The following THSD7B variants were observed in gnomAD, a reference collection of about 807,000 sequenced individuals.
THSD7B encodes thrombospondin type-1 domain-containing protein 7B.
THSD7B carries 138 observed loss-of-function variants against 213.6 expected under a neutral mutation model. The observed-to-expected ratio is 0.65, with a 90% CI of 0.56 to 0.74. The LOEUF is 0.74. THSD7B is among the 30% of genes least tolerant of loss of function. THSD7B has a pLI of 0.00. For synonymous variants in THSD7B, 742 were observed against 687.0 expected (o/e 1.08, Z -1.25); for missense variants, 1,931 against 1,991.5 (o/e 0.97, Z 0.58).
Position 137,656,848 on chromosome 2 carries a change from C to T in THSD7B, c.4158C>T (p.Cys1386=). The part of the protein sequence containing the change: ...WSEWSTCELT[C]IDGRSFETVG... Reference sequence around the variant, plus strand: ...AGTGGAGCACATGTGAATTAACCTGCATTGATGGAAGAAGCTTTGAGACTG... The same window carrying T: ...AGTGGAGCACATGTGAATTAACCTGTATTGATGGAAGAAGCTTTGAGACTG... The change falls in exon 23 of 28, where the codon TGC becomes TGT. Residue 1386 remains cysteine (C), a synonymous_variant. Transcript: ENST00000409968. 1 of 1,613,974 alleles carries T rather than the reference C, an allele frequency of 6.2e-7. No individual in the cohort carries two copies. Among genetic ancestry groups the T allele is most frequent in the Non-Finnish European group, 8.5e-7 (1 of 1,179,882 alleles).
chr2:137,670,915 C>T (rs575937773), intron 27 of THSD7B, among the ~76,000 whole-genome samples: 104 of 105,932 alleles, frequency 9.8e-4, no homozygotes, highest in African/African-American at 3.4e-3. Flanking sequence ...AGTGAGACTC[C>T]GCCTCAAAAA....
rs746653090 is a variant in THSD7B at position 137,667,824 on chromosome 2, A to G, written c.4702A>G (p.Ile1568Val). 6.2e-7 allele frequency: 1 copy of G among 1,604,494 alleles called. No homozygotes were observed. Among genetic ancestry groups the G allele is most frequent in the South Asian group, 1.1e-5 (1 of 89,244 alleles). Residue 1568 changes from isoleucine to valine, a missense_variant, in exon 27 of 28, where the codon ATC becomes GTC. Transcript: ENST00000409968. ...VYGVSGGAFL[I>V]MIFLIFTSYL... Reference sequence around the variant, plus strand: ...TGGCGTTTCAGGTGGCGCTTTTCTCATCATGATTTTCCTAATATTTACTTC... The same window carrying G: ...TGGCGTTTCAGGTGGCGCTTTTCTCGTCATGATTTTCCTAATATTTACTTC...
chr2:136,972,720 A>C (rs901723314), intron 2 of THSD7B, among the ~76,000 whole-genome samples: 6 of 152,220 alleles, frequency 3.9e-5, no homozygotes, highest in African/African-American at 1.2e-4. Flanking sequence ...GTTATTAGGA[A>C]GACAGTACTA....
chr2:136,909,616 A>T (rs1348824362), intron 2 of THSD7B, among the ~76,000 whole-genome samples: 6 of 152,220 alleles, frequency 3.9e-5, no homozygotes, highest in Admixed American at 3.9e-4. Context: ...GCTTATATTT[A>T]TCCAAGAAAC....
chr2:136,931,802 G>C (rs980745284), intron 2 of THSD7B, among the ~76,000 whole-genome samples: 1 of 152,070 alleles, frequency 6.6e-6, no homozygotes, highest in Non-Finnish European at 1.5e-5. Flanking sequence ...AGTAAACCAG[G>C]ACTAGCTTTT....
chr2:137,204,152 C>T (rs1680934705), intron 7 of THSD7B, among the ~76,000 whole-genome samples: 1 of 152,004 alleles, frequency 6.6e-6, no homozygotes, highest in Admixed American at 6.6e-5. Flanking sequence ...TGTTACATGG[C>T]ACCTGGAGTG....
At chr2:137,073,033 A>G (rs182810585) in intron 3 of THSD7B, among the ~76,000 whole-genome samples, 14,733 of 151,904 alleles carry the variant, frequency 0.097, 969 homozygotes, top group African/African-American at 0.19. Context: ...TTTTTGCATC[A>G]ATGTTCATCA....
intron 7 of THSD7B, among the ~76,000 whole-genome samples, chr2:137,221,322 A>G (rs1681366372): frequency 6.6e-6 from 1 of 152,104 alleles, no homozygotes; most frequent in Admixed American, 6.5e-5. Context: ...ACAAAAAGTT[A>G]GAACTGATGG....
At chr2:137,642,868 C>T (rs1260286658) in intron 21 of THSD7B, among the ~76,000 whole-genome samples, 2 of 152,120 alleles carry the variant, frequency 1.3e-5, no homozygotes, top group Non-Finnish European at 2.9e-5. Flanking sequence ...TAGGTCAGGT[C>T]ACAGATCCTT....
chr2:137,390,192 C>T (rs1685988160), intron 12 of THSD7B, among the ~76,000 whole-genome samples: 1 of 152,022 alleles, frequency 6.6e-6, no homozygotes, highest in African/African-American at 2.4e-5. Flanking sequence ...CGTGGGATGT[C>T]CTTCCATTTG....
intron 1 of THSD7B, among the ~76,000 whole-genome samples, chr2:136,798,926 A>G (rs965114997): frequency 6.6e-6 from 1 of 152,020 alleles, no homozygotes; most frequent in Non-Finnish European, 1.5e-5. Context: ...AACTTCCTCT[A>G]GGCCTTGCCC....
At chr2:136,915,684 A>G (rs1684337586) in intron 2 of THSD7B, among the ~76,000 whole-genome samples, 1 of 152,232 alleles carries the variant, frequency 6.6e-6, no homozygotes, top group South Asian at 2.1e-4. Context: ...ACAGAGAGGT[A>G]AAGTACCTGG....
rs781663900 is a variant in THSD7B at position 137,057,111 on chromosome 2, C to A, written c.831C>A (p.Val277=). The change falls in exon 3 of 28, where the codon GTC becomes GTA. Residue 277 remains valine, a synonymous_variant. Transcript: ENST00000409968. ...LDFNSDSNER[V]TFKHQSYKAH... ...TTAACTCTGATTCAAATGAGCGAGT[C>A]ACCTTTAAACATCAAAGTTACAAAG... 6.2e-7 allele frequency: 1 copy of A among 1,613,952 alleles called. No homozygotes were observed. The highest frequency in any genetic ancestry group is 1.1e-5 in the South Asian group (1 of 91,066).
chr2:137,142,830 TTTC>T (rs1224319296), intron 5 of THSD7B, among the ~76,000 whole-genome samples: 2 of 152,148 alleles, frequency 1.3e-5, no homozygotes, highest in African/African-American at 4.8e-5. Context: ...GGGCGATTGT[TTTC>T]TTATTTGTTT....
intron 2 of THSD7B, among the ~76,000 whole-genome samples, chr2:136,943,032 C>A (rs985131470): frequency 2.0e-5 from 3 of 152,102 alleles, no homozygotes; most frequent in Non-Finnish European, 4.4e-5. Flanking sequence ...CCCATCAATA[C>A]CTAGCTTATT....
At chr2:136,777,328 C>A (rs960653356) in intron 1 of THSD7B, among the ~76,000 whole-genome samples, 1 of 152,170 alleles carries the variant, frequency 6.6e-6, no homozygotes, top group African/African-American at 2.4e-5. Context: ...ACTCCTGACC[C>A]TGTTTCCAGT....
At chr2:137,642,761 A>G in intron 21 of THSD7B, 128 bp downstream of exon 21, 2 of 1,109,004 alleles carry the variant, frequency 1.8e-6, no homozygotes, top group Non-Finnish European at 2.5e-6. Context: ...TTTTTAATGC[A>G]ATGCAGAACA....
intron 14 of THSD7B, among the ~76,000 whole-genome samples, chr2:137,428,818 G>A (rs925759512): frequency 2.6e-5 from 4 of 152,182 alleles, no homozygotes; most frequent in Non-Finnish European, 5.9e-5. Flanking sequence ...AATAGTACAT[G>A]AGTAGGACTT....
At chr2:137,003,687 T>G (rs1386082936) in intron 2 of THSD7B, among the ~76,000 whole-genome samples, 1 of 152,202 alleles carries the variant, frequency 6.6e-6, no homozygotes, top group Non-Finnish European at 1.5e-5. Context: ...AGACTCCTTA[T>G]AAGCATCTAT....
Sources: allele counts gnomAD v4.1 joint callset (sites outside exome capture counted in the v4.1 genomes callset), GRCh38; gene constraint gnomAD v4.1.1; transcripts MANE v1.5; gene names NCBI Gene and HGNC (gene_info 2026-07-23, HGNC 2026-07-21).